DDO: variants seen among roughly 807,000 people sequenced by gnomAD.
DDO encodes D-aspartate oxidase, DDO.
Under a neutral mutation model 16.8 loss-of-function variants are expected in DDO, and 16 were observed. That is an observed-to-expected ratio of 0.95 (90% CI 0.65 to 1.45). The LOEUF is 1.45. Ranked by LOEUF, DDO falls within the 40% of genes most tolerant of loss-of-function variation. The pLI, the probability that DDO is intolerant of heterozygous loss-of-function variation, is 0.00. For synonymous variants in DDO, 180 were observed against 167.2 expected (o/e 1.08, Z -0.59); for missense variants, 429 against 420.3 (o/e 1.02, Z -0.18).
downstream of DDO, among the ~76,000 whole-genome samples, chr6:110,388,401 A>G (rs1192583560): frequency 6.6e-6 from 1 of 152,256 alleles, no homozygotes; most frequent in African/African-American, 2.4e-5. Flanking sequence ...TACAACTCCC[A>G]GTGGACACAT....
chr6:110,396,086 G>T (rs142926949), intron 4 of DDO, among the ~76,000 whole-genome samples: 16 of 152,292 alleles, frequency 1.1e-4, no homozygotes, highest in Non-Finnish European at 2.4e-4. Flanking sequence ...GCATGGAAGA[G>T]ACCAAGATTG....
intron 4 of DDO, among the ~76,000 whole-genome samples, chr6:110,402,828 G>C (rs1319792956): frequency 1.3e-5 from 2 of 152,136 alleles, no homozygotes; most frequent in Non-Finnish European, 2.9e-5. Flanking sequence ...TCCCCACGCA[G>C]GAAAGCCCTT....
intron 1 of DDO, 50 bp downstream of exon 1, chr6:110,415,417 C>T (rs750242026): frequency 6.2e-7 from 1 of 1,609,184 alleles, no homozygotes; most frequent in Non-Finnish European, 8.5e-7. Flanking sequence ...TCCCAAACTC[C>T]CAGAGCATGG....
At chr6:110,413,908 G>A (rs1407455790) in intron 1 of DDO, among the ~76,000 whole-genome samples, 1 of 152,078 alleles carries the variant, frequency 6.6e-6, no homozygotes, top group Non-Finnish European at 1.5e-5. Flanking sequence ...TGAGTAACTG[G>A]GATTACAGGT....
intron 2 of DDO, among the ~76,000 whole-genome samples, chr6:110,410,803 A>G (rs745838078): frequency 6.6e-6 from 1 of 152,128 alleles, no homozygotes; most frequent in African/African-American, 2.4e-5. Context: ...GATACAGCCA[A>G]ACTATATCAG....
intron 2 of DDO, among the ~76,000 whole-genome samples, chr6:110,412,659 C>A (rs570832258): frequency 1.3e-5 from 2 of 152,228 alleles, no homozygotes; most frequent in South Asian, 4.1e-4. Context: ...TGGGCACATG[C>A]GCTGATGACA....
chr6:110,407,952 T>C (rs1773712033), intron 3 of DDO, among the ~76,000 whole-genome samples: 1 of 152,194 alleles, frequency 6.6e-6, no homozygotes, highest in Non-Finnish European at 1.5e-5. Flanking sequence ...CCCTCTCCCT[T>C]AGGTCTCTGC....
intron 4 of DDO, among the ~76,000 whole-genome samples, chr6:110,401,108 G>C (rs1213820147): frequency 6.6e-6 from 1 of 152,220 alleles, no homozygotes; most frequent in Non-Finnish European, 1.5e-5. Flanking sequence ...ATAGAGCGAG[G>C]GTGCTTCCCG....
Position 110,393,302 on chromosome 6 carries a change from C to T in DDO, c.499G>A (p.Glu167Lys). The change falls in exon 5 of 5, where the codon GAA becomes AAA. Residue 167 changes from glutamate (E) to lysine (K), a missense_variant. By Grantham distance (56) the Glu-to-Lys change is moderately conservative (BLOSUM62 1). Coordinates refer to ENST00000368924, the MANE Select transcript of DDO (RefSeq NM_001372108.2). The part of the protein sequence containing the change: ...SGGWTLTRRI[E>K]DLWELHPSFD... ...GACGGATGAAGTTCCCACAGGTCTT[C>T]TATTCGCCGAGTGAGTGTCCAGCCT... The T allele has an allele frequency of 6.2e-7, 1 of 1,610,262 alleles. No individual in the cohort carries two copies. The highest frequency in any genetic ancestry group is 1.1e-5 in the South Asian group (1 of 91,018).
In DDO at chr6:110,392,516, A is replaced by T; in HGVS notation, c.*259T>A. ...TTCTTTTGTTGTTGGTGTTTTTTTTAGAGGTGGGAACTGGCACCTCTAAAA... is the reference window on the plus strand; with the variant it reads ...TTCTTTTGTTGTTGGTGTTTTTTTTTGAGGTGGGAACTGGCACCTCTAAAA... On this transcript the variant is annotated 3_prime_UTR_variant, in exon 5 of 5. Coordinates refer to ENST00000368924, the MANE Select transcript of DDO (RefSeq NM_001372108.2). 2 of 1,166,846 alleles carry T rather than the reference A, an allele frequency of 1.7e-6. No homozygotes were observed. The highest frequency in any genetic ancestry group is 4.3e-5 in the South Asian group (1 of 23,222). The allele number at this position is 1,166,846 out of a possible 1,614,324, so 72.3% of individuals were successfully genotyped here.
At chr6:110,393,822 T>C (rs1386894416) in intron 4 of DDO, among the ~76,000 whole-genome samples, 2 of 152,236 alleles carry the variant, frequency 1.3e-5, no homozygotes, top group Non-Finnish European at 2.9e-5. Flanking sequence ...ACCAGCTTTA[T>C]GTCCACAACT....
intron 4 of DDO, among the ~76,000 whole-genome samples, chr6:110,402,269 G>A (rs1180965103): frequency 6.6e-6 from 1 of 152,170 alleles, no homozygotes; most frequent in Non-Finnish European, 1.5e-5. Flanking sequence ...TATGAATAAG[G>A]TCCATAGATT....
chr6:110,397,227 A>T (rs1353674718), intron 4 of DDO, among the ~76,000 whole-genome samples: 1 of 152,218 alleles, frequency 6.6e-6, no homozygotes, highest in African/African-American at 2.4e-5. Flanking sequence ...TTTTTAAAAA[A>T]GTGCTTAGGG....
At chr6:110,408,854 A>G (rs922766759) in intron 2 of DDO, among the ~76,000 whole-genome samples, 1 of 152,244 alleles carries the variant, frequency 6.6e-6, no homozygotes. Flanking sequence ...CCAAGGACAG[A>G]GGGCCTCTTT....
rs1482062132 is a variant in DDO at position 110,392,163 on chromosome 6, G to A, written c.*612C>T. On this transcript the variant is annotated 3_prime_UTR_variant, in exon 5 of 5. Coordinates refer to ENST00000368924, the MANE Select transcript of DDO (RefSeq NM_001372108.2). Reference sequence around the variant, plus strand: ...AAGCATGCTTTGTCTTCAATTAAATGTAATAATCCAGCACTGTGTGAGCAC... The same window carrying A: ...AAGCATGCTTTGTCTTCAATTAAATATAATAATCCAGCACTGTGTGAGCAC... The A allele has an allele frequency of 3.0e-6, 3 of 984,028 alleles. No individual in the cohort carries two copies. Among genetic ancestry groups the A allele is most frequent in the African/African-American group, 1.7e-5 (1 of 57,222 alleles). 61.0% of individuals were successfully genotyped at this position (984,028 alleles called of 1,614,324 possible). A position where few individuals can be genotyped will look rare whatever the true frequency, so the allele number is the denominator to read the frequency against.
chr6:110,399,602 T>C (rs1773407496), intron 4 of DDO, among the ~76,000 whole-genome samples: 3 of 146,898 alleles, frequency 2.0e-5, no homozygotes, highest in South Asian at 2.3e-4. Context: ...AGGAGTCCCG[T>C]GCTGCAAAGC....
At chr6:110,413,268 A>T in intron 2 of DDO, 23 bp downstream of exon 2, 1 of 1,611,864 alleles carries the variant, frequency 6.2e-7, no homozygotes, top group Non-Finnish European at 8.5e-7. Context: ...ATTGTATCTG[A>T]TAGAGGAGCT....
intron 4 of DDO, among the ~76,000 whole-genome samples, chr6:110,403,660 A>G (rs1308420819): frequency 6.6e-6 from 1 of 152,216 alleles, no homozygotes; most frequent in Non-Finnish European, 1.5e-5. Flanking sequence ...ACAAAACTAG[A>G]TTACGATGCC....
At chr6:110,400,093 C>T (rs1165138484) in intron 4 of DDO, among the ~76,000 whole-genome samples, 2 of 152,192 alleles carry the variant, frequency 1.3e-5, no homozygotes, top group Non-Finnish European at 2.9e-5. Context: ...GAAATGCTGA[C>T]CGCAGGCCCG....
Sources: gnomAD v4.1 joint callset for allele counts (sites outside exome capture counted in the v4.1 genomes callset) on GRCh38, gnomAD v4.1.1 for gene constraint, MANE v1.5 for transcripts, NCBI Gene and HGNC (gene_info 2026-07-23, HGNC 2026-07-21) for gene names.